MED13L: variants seen among roughly 807,000 people sequenced by gnomAD.
MED13L encodes mediator complex subunit 13L.
In MED13L, 7 loss-of-function variants were observed where a neutral mutation model predicts 220.9. The ratio of observed to expected loss-of-function variants is 0.03; its 90% confidence interval spans 0.02 to 0.06. The LOEUF is 0.06. MED13L is among the 10% of genes least tolerant of loss of function. The pLI, the probability that MED13L is intolerant of heterozygous loss-of-function variation, is 1.00. For missense variants in MED13L, 1,965 were observed against 2,760.5 expected (o/e 0.71, Z 6.46); for synonymous variants, 1,011 against 1,015.2 (o/e 1.00, Z 0.08).
chr12:116,032,724 A>G (rs1360843694), intron 4 of MED13L, among the ~76,000 whole-genome samples: 2 of 151,802 alleles, frequency 1.3e-5, no homozygotes. Context: ...TCTCTTCCCT[A>G]TTTTTTTTCC....
At chr12:116,166,828 T>C (rs1199590250) in intron 2 of MED13L, among the ~76,000 whole-genome samples, 1 of 152,192 alleles carries the variant, frequency 6.6e-6, no homozygotes. Context: ...TAATAAATAT[T>C]TGTTGAATGA....
intron 4 of MED13L, among the ~76,000 whole-genome samples, chr12:116,074,036 T>C (rs1260059605): frequency 6.6e-6 from 1 of 152,256 alleles, no homozygotes; most frequent in African/African-American, 2.4e-5. Context: ...TATTAATATG[T>C]ATTTCTCTAT....
At chr12:116,143,297 T>C (rs1469700749) in intron 2 of MED13L, among the ~76,000 whole-genome samples, 2 of 151,040 alleles carry the variant, frequency 1.3e-5, no homozygotes, top group Non-Finnish European at 2.9e-5. Flanking sequence ...GGGTGAATCA[T>C]TTGAGCCCAG....
intron 23 of MED13L, among the ~76,000 whole-genome samples, chr12:115,977,776 T>G (rs1377137585): frequency 6.6e-6 from 1 of 152,110 alleles, no homozygotes; most frequent in Non-Finnish European, 1.5e-5. Context: ...TCAGGCAGAA[T>G]GCTTGAGCCA....
intron 4 of MED13L, among the ~76,000 whole-genome samples, chr12:116,080,740 T>C (rs1374213029): frequency 3.9e-5 from 6 of 152,156 alleles, no homozygotes; most frequent in Non-Finnish European, 7.4e-5. Flanking sequence ...GATTCTTTGG[T>C]TTGAGTTGTG....
At chr12:115,983,576 T>C (rs1877487761) in intron 20 of MED13L, 36 bp from the exon 21 acceptor site, 5 of 1,608,720 alleles carry the variant, frequency 3.1e-6, no homozygotes, top group South Asian at 1.1e-5. Context: ...ACTTTAGTGA[T>C]ATTCTGCAGT....
In MED13L at chr12:116,277,041, CCG is replaced by C; in HGVS notation, c.72+17_72+18del. 1 of 1,569,578 alleles carries C rather than the reference CCG, an allele frequency of 6.4e-7. No homozygotes were observed. Among genetic ancestry groups the C allele is most frequent in the Non-Finnish European group, 8.6e-7 (1 of 1,157,736 alleles). ...CCCCTTCCCCGGCACAGCCCCCTCC[CCG>C]CAGCCCGGCTACTCACCAGCGAAAA... On this transcript the variant is annotated intron_variant, in intron 1 of 30. Coordinates refer to ENST00000281928, the MANE Select transcript of MED13L (RefSeq NM_015335.5).
intron 4 of MED13L, among the ~76,000 whole-genome samples, chr12:116,090,136 A>G (rs1447922329): frequency 6.6e-6 from 1 of 152,218 alleles, no homozygotes; most frequent in Non-Finnish European, 1.5e-5. Flanking sequence ...ATGCTACCAA[A>G]AGGTTAAACT....
At chr12:116,167,984 T>TA (rs1879403753) in intron 2 of MED13L, among the ~76,000 whole-genome samples, 1 of 152,066 alleles carries the variant, frequency 6.6e-6, no homozygotes, top group African/African-American at 2.4e-5. Context: ...ATGCTAGCTT[T>TA]AAAAAAAATA....
At chr12:116,021,773 A>G (rs1366237818) in intron 5 of MED13L, among the ~76,000 whole-genome samples, 1 of 152,224 alleles carries the variant, frequency 6.6e-6, no homozygotes, top group African/African-American at 2.4e-5. Context: ...TAATATTATA[A>G]CATTTAAAAG....
intron 9 of MED13L, among the ~76,000 whole-genome samples, chr12:116,011,751 CAAT>C (rs1030215138): frequency 6.6e-6 from 1 of 152,180 alleles, no homozygotes; most frequent in African/African-American, 2.4e-5. Flanking sequence ...CCTGAAAAAT[CAAT>C]AATGAGTTTC....
At chr12:115,962,217 C>A (rs576589474) in intron 30 of MED13L, among the ~76,000 whole-genome samples, 8 of 152,218 alleles carry the variant, frequency 5.3e-5, no homozygotes, top group Admixed American at 3.9e-4. Context: ...TTTTTTGGCA[C>A]CAGGGACCAG....
chr12:116,141,453 A>G (rs558926903), intron 2 of MED13L, among the ~76,000 whole-genome samples: 1 of 152,184 alleles, frequency 6.6e-6, no homozygotes, highest in African/African-American at 2.4e-5. Context: ...ATGCAAATAC[A>G]ATTATTCCTT....
chr12:116,020,566 A>G (rs957116164), intron 5 of MED13L, among the ~76,000 whole-genome samples: 3 of 152,250 alleles, frequency 2.0e-5, no homozygotes, highest in Non-Finnish European at 2.9e-5. Flanking sequence ...AGCTTGAAGC[A>G]TAATAGTTAT....
chr12:116,117,653 TA>T (rs1184373457), intron 2 of MED13L, among the ~76,000 whole-genome samples: 1 of 150,954 alleles, frequency 6.6e-6, no homozygotes, highest in Non-Finnish European at 1.5e-5. Context: ...CCTCCATTCA[TA>T]AAGTATTAAA....
chr12:116,154,324 C>G (rs1220830504), intron 2 of MED13L, among the ~76,000 whole-genome samples: 1 of 152,178 alleles, frequency 6.6e-6, no homozygotes, highest in African/African-American at 2.4e-5. Flanking sequence ...AATGGATCCT[C>G]ACTCACACCT....
chr12:115,978,887 A>C (rs903419243), intron 23 of MED13L, among the ~76,000 whole-genome samples: 4 of 152,226 alleles, frequency 2.6e-5, no homozygotes, highest in African/African-American at 9.6e-5. Context: ...AAACTTGCAT[A>C]ATAAAAACTA....
intron 5 of MED13L, among the ~76,000 whole-genome samples, chr12:116,021,021 T>C (rs991485278): frequency 2.0e-5 from 3 of 152,078 alleles, no homozygotes; most frequent in Non-Finnish European, 2.9e-5. Context: ...ACTAACACAG[T>C]TAATCAAGGG....
At chr12:116,264,196 G>A (rs1166239403) in intron 1 of MED13L, among the ~76,000 whole-genome samples, 1 of 152,032 alleles carries the variant, frequency 6.6e-6, no homozygotes, top group Non-Finnish European at 1.5e-5. Flanking sequence ...AGATTTTCTG[G>A]GGCAGCCAAC....
Sources: allele counts gnomAD v4.1 joint callset (sites outside exome capture counted in the v4.1 genomes callset), GRCh38; gene constraint gnomAD v4.1.1; transcripts MANE v1.5; gene names NCBI Gene and HGNC (gene_info 2026-07-23, HGNC 2026-07-21).